Variants in SLC25A13 observed in about 807,000 individuals in gnomAD.
The protein encoded by SLC25A13 is solute carrier family 25 member 13.
Under a neutral mutation model 85.5 loss-of-function variants are expected in SLC25A13, and 70 were observed. That is an observed-to-expected ratio of 0.82 (90% CI 0.68 to 1.00). SLC25A13 has a LOEUF of 1.00. Among genes scored for constraint, SLC25A13 ranks in the 50% least tolerant of loss-of-function variants. The pLI, the probability that SLC25A13 is intolerant of heterozygous loss-of-function variation, is 0.00. For missense variants in SLC25A13, 765 were observed against 819.8 expected, an observed-to-expected ratio of 0.93 and a Z score of 0.82; for synonymous variants, 259 against 288.7, an observed-to-expected ratio of 0.90 and a Z score of 1.04.
chr7:96,121,408 G>A (rs756123946), intron 17 of SLC25A13, 31 bp from the exon 18 acceptor site: 36 of 1,611,210 alleles, frequency 2.2e-5, no homozygotes, highest in Admixed American at 1.0e-4. Context: ...GTAAGAAGCT[G>A]TATTTTTTGT....
At chr7:96,137,645 TTTATTA>T (rs539143155) in intron 14 of SLC25A13, among the ~76,000 whole-genome samples, 3 of 152,156 alleles carry the variant, frequency 2.0e-5, no homozygotes, top group Non-Finnish European at 4.4e-5. Flanking sequence ...TCTTTATTTC[TTTATTA>T]TTATTATTTT....
chr7:96,291,003 T>C (rs543544049), intron 2 of SLC25A13, among the ~76,000 whole-genome samples: 2 of 152,340 alleles, frequency 1.3e-5, no homozygotes, highest in South Asian at 4.1e-4. Flanking sequence ...ATGGCACTTA[T>C]TCCAAAATTG....
chr7:96,134,793 T>A lies in SLC25A13; in HGVS notation c.1453-2912A>T, dbSNP rs1023149074. ...TTAAAAACCAAACATACAAACAATTTTATATATATATATATATATAACCCT... is the reference window on the plus strand; with the variant it reads ...TTAAAAACCAAACATACAAACAATTATATATATATATATATATATAACCCT... On this transcript the variant is annotated intron_variant, in intron 14 of 17. Coordinates refer to ENST00000265631, the MANE Select transcript of SLC25A13 (RefSeq NM_014251.3). Among the ~76,000 whole-genome samples the A allele has an allele frequency of 1.5e-4, 15 of 102,232 alleles. 1 individual carries two copies. The highest frequency in any genetic ancestry group is 4.1e-4 in the East Asian group (1 of 2,456). 67.1% of individuals were successfully genotyped at this position (102,232 alleles called of 152,430 possible).
intron 1 of SLC25A13, among the ~76,000 whole-genome samples, chr7:96,298,014 G>A (rs952225328): frequency 1.3e-5 from 2 of 152,032 alleles, no homozygotes; most frequent in South Asian, 2.1e-4. Context: ...CCAAACAGTG[G>A]GTTTATTCAA....
intron 5 of SLC25A13, among the ~76,000 whole-genome samples, chr7:96,205,363 G>A (rs1042462757): frequency 6.6e-6 from 1 of 152,180 alleles, no homozygotes; most frequent in Non-Finnish European, 1.5e-5. Flanking sequence ...AGACATACGT[G>A]GAGAGGTTTA....
chr7:96,162,361 A>G (rs923373062), intron 13 of SLC25A13, among the ~76,000 whole-genome samples: 6 of 152,230 alleles, frequency 3.9e-5, no homozygotes, highest in African/African-American at 1.4e-4. Flanking sequence ...TATACACAAT[A>G]CTATTCAGGG....
chr7:96,226,177 C>T (rs984981661), intron 4 of SLC25A13, among the ~76,000 whole-genome samples: 2 of 152,084 alleles, frequency 1.3e-5, no homozygotes, highest in African/African-American at 4.8e-5. Flanking sequence ...TAGTAAATCC[C>T]CATTCCCCCT....
At chr7:96,179,803 TTC>T (rs1794351485) in intron 11 of SLC25A13, among the ~76,000 whole-genome samples, 1 of 152,232 alleles carries the variant, frequency 6.6e-6, no homozygotes, top group African/African-American at 2.4e-5. Flanking sequence ...GATGCATGTG[TTC>T]TTAAGTAATG....
chr7:96,269,634 C>T (rs998730467), intron 3 of SLC25A13, among the ~76,000 whole-genome samples: 2 of 152,298 alleles, frequency 1.3e-5, no homozygotes, highest in Non-Finnish European at 2.9e-5. Flanking sequence ...GAAAATAAAA[C>T]TGGTACACTG....
At chr7:96,210,068 C>T (rs1383629190) in intron 4 of SLC25A13, among the ~76,000 whole-genome samples, 1 of 152,118 alleles carries the variant, frequency 6.6e-6, no homozygotes, top group South Asian at 2.1e-4. Context: ...GCTCCCACCC[C>T]CATTATACCC....
At chr7:96,212,893 C>A (rs558087139) in intron 4 of SLC25A13, among the ~76,000 whole-genome samples, 2 of 152,326 alleles carry the variant, frequency 1.3e-5, no homozygotes, top group African/African-American at 4.8e-5. Context: ...TTACTTTTTA[C>A]TCTCTTGACC....
At chr7:96,214,722 C>CA (rs2116737071) in intron 4 of SLC25A13, among the ~76,000 whole-genome samples, 1 of 150,858 alleles carries the variant, frequency 6.6e-6, no homozygotes, top group Admixed American at 6.6e-5. Flanking sequence ...GACTCCGTTG[C>CA]AAAAAAATTA....
chr7:96,207,598 A>T (rs1462524753), intron 5 of SLC25A13, among the ~76,000 whole-genome samples: 2 of 152,232 alleles, frequency 1.3e-5, no homozygotes, highest in Non-Finnish European at 2.9e-5. Context: ...TATAAATAAA[A>T]TGTAACTGTT....
At chr7:96,215,790 A>C (rs1795876013) in intron 4 of SLC25A13, among the ~76,000 whole-genome samples, 2 of 152,148 alleles carry the variant, frequency 1.3e-5, no homozygotes, top group African/African-American at 4.8e-5. Flanking sequence ...CAAAACTACA[A>C]GCAACAGAAA....
intron 3 of SLC25A13, among the ~76,000 whole-genome samples, chr7:96,272,937 GAGAAAAT>G (rs1798301393): frequency 6.6e-6 from 1 of 152,140 alleles, no homozygotes; most frequent in Non-Finnish European, 1.5e-5. Context: ...AAGGTTGCTG[GAGAAAAT>G]ATCCATGTGA....
intron 5 of SLC25A13, among the ~76,000 whole-genome samples, chr7:96,198,425 G>C (rs1430934084): frequency 6.6e-6 from 1 of 152,218 alleles, no homozygotes; most frequent in East Asian, 1.9e-4. Context: ...ACATCAGCCA[G>C]GATGGAGGAT....
At chr7:96,312,991 T>C (rs549853153) in intron 1 of SLC25A13, among the ~76,000 whole-genome samples, 4 of 152,302 alleles carry the variant, frequency 2.6e-5, no homozygotes, top group South Asian at 2.1e-4. Context: ...TTGAACTAAC[T>C]AGAAACTTTA....
chr7:96,303,257 C>A (rs941975717), intron 1 of SLC25A13, among the ~76,000 whole-genome samples: 1 of 152,136 alleles, frequency 6.6e-6, no homozygotes, highest in Non-Finnish European at 1.5e-5. Context: ...CAGACTTACA[C>A]TGAAAATTCT....
intron 6 of SLC25A13, 152 bp from the exon 7 acceptor site, chr7:96,191,399 A>T: frequency 1.1e-6 from 1 of 884,726 alleles, no homozygotes. Flanking sequence ...CATTAAAAAA[A>T]AGCTATAAAT....
Sources: allele counts gnomAD v4.1 joint callset (sites outside exome capture counted in the v4.1 genomes callset), GRCh38; gene constraint gnomAD v4.1.1; transcripts MANE v1.5; gene names NCBI Gene and HGNC (gene_info 2026-07-23, HGNC 2026-07-21).